Variants in EIF3G observed in about 807,000 individuals in gnomAD.
EIF3G encodes eukaryotic translation initiation factor 3 RNA-binding subunit.
EIF3G carries 10 observed loss-of-function variants against 41.7 expected under a neutral mutation model. That is an observed-to-expected ratio of 0.24 (90% CI 0.15 to 0.41). The LOEUF (loss-of-function observed/expected upper bound fraction) is 0.41. EIF3G is among the 10% of genes least tolerant of loss of function. The pLI, the probability that EIF3G is intolerant of heterozygous loss-of-function variation, is 1.00. For missense variants in EIF3G, 297 were observed against 444.0 expected (o/e 0.67, Z 2.98); for synonymous variants, 204 against 172.5 (o/e 1.18, Z -1.43).
chr19:10,117,803 C>G (rs1444885122), intron 5 of EIF3G, among the ~76,000 whole-genome samples: 1 of 152,202 alleles, frequency 6.6e-6, no homozygotes. Flanking sequence ...CTCCTGTAAT[C>G]CCAGCACTTT....
chr19:10,115,030 G>T lies in EIF3G; in HGVS notation c.*84C>A. The T allele has an allele frequency of 6.3e-7, 1 of 1,586,606 alleles. No individual in the cohort carries two copies. Among genetic ancestry groups the T allele is most frequent in the Non-Finnish European group, 8.6e-7 (1 of 1,160,816 alleles). ...AGAACCAAGTAGAGAGAGTGGAGCT[G>T]CTTTATTGCCCTTGGAGCCCGCGCT... On this transcript the variant is annotated 3_prime_UTR_variant, in exon 11 of 11. Transcript: ENST00000253108.
Position 10,116,815 on chromosome 19 carries a change from C to CCTT in EIF3G, c.577_579dup (p.Lys193dup). 6.3e-7 allele frequency: 1 copy of CCTT among 1,593,336 alleles called. No homozygotes were observed. Among genetic ancestry groups the CCTT allele is most frequent in the Non-Finnish European group, 8.6e-7 (1 of 1,167,100 alleles). On this transcript the variant is annotated inframe_insertion, in exon 7 of 11. Coordinates refer to ENST00000253108, the MANE Select transcript of EIF3G (RefSeq NM_003755.5). The surrounding 1 kb of genome is among the most constrained non-coding windows in gnomAD (Gnocchi z 4.1). ...ACCCCCACACCTCCCGGCAGCTTCT[C>CCTT]CTTCTCGCCAGTAGACAGGCCCAGC...
intron 2 of EIF3G, 95 bp downstream of exon 2, chr19:10,119,559 C>G (rs770190542): frequency 4.9e-6 from 7 of 1,427,048 alleles, no homozygotes; most frequent in Non-Finnish European, 6.7e-6. Context: ...CAGACCGTGA[C>G]GGGGTACACG....
At chr19:10,115,364 T>A in intron 10 of EIF3G, 115 bp downstream of exon 10, 1 of 1,316,550 alleles carries the variant, frequency 7.6e-7, no homozygotes, top group Non-Finnish European at 1.0e-6. Context: ...GACTGTCCCC[T>A]CAAAACCAGC....
rs145896417 is a variant in EIF3G, at chr19:10,116,963, G to A, written c.432C>T (p.Asp144=). 2 of 1,612,576 alleles carry A rather than the reference G, an allele frequency of 1.2e-6. No homozygotes were observed. Among genetic ancestry groups the A allele is most frequent in the Non-Finnish European group, 1.7e-6 (2 of 1,179,134 alleles). Residue 144 remains aspartate, a synonymous_variant, in exon 7 of 11, where the codon GAC becomes GAT. Transcript: ENST00000253108. The surrounding 1 kb of genome is among the most constrained non-coding windows in gnomAD (Gnocchi z 4.1). Reference sequence around the variant, plus strand: ...TCTGGCCCTTGAGTTTGTTCATAGGGTCCTCCTCCTCCTGGCAGTTCAGGT... The same window carrying A: ...TCTGGCCCTTGAGTTTGTTCATAGGATCCTCCTCCTCCTGGCAGTTCAGGT... ...KEDLNCQEEE[D]PMNKLKGQKI... is the part of the protein sequence containing the mutation.
chr19:10,116,379 G>C lies in EIF3G; in HGVS notation c.596-305C>G. ...AACGGCAGACATGGGACACACAACA[G>C]GAACAGCGCCCAGGTCCCCCTCGCG... On this transcript the variant is annotated intron_variant, in intron 7 of 10. Coordinates refer to ENST00000253108, the MANE Select transcript of EIF3G (RefSeq NM_003755.5). The surrounding 1 kb of genome is among the most constrained non-coding windows in gnomAD (Gnocchi z 4.1). The C allele has an allele frequency of 1.9e-6, 1 of 527,848 alleles. No homozygotes were observed. The highest frequency in any genetic ancestry group is 3.4e-6 in the Non-Finnish European group (1 of 293,996). 32.7% of individuals were successfully genotyped at this position (527,848 alleles called of 1,614,324 possible). A position where few individuals can be genotyped will look rare whatever the true frequency, so the allele number is the denominator to read the frequency against.
chr19:10,118,581 A>AAT, intron 5 of EIF3G, 87 bp downstream of exon 5: 4 of 1,356,554 alleles, frequency 2.9e-6, no homozygotes, highest in Non-Finnish European at 4.1e-6. Context: ...AAAAAAAAAA[A>AAT]AGAGTTAAGC....
At chr19:10,115,272 C>A in intron 10 of EIF3G, 143 bp from the exon 11 acceptor site, 1 of 1,209,450 alleles carries the variant, frequency 8.3e-7, no homozygotes, top group South Asian at 1.5e-5. Context: ...GGCCAGTCTC[C>A]AGGCCTGGTC....
At chr19:10,119,464 G>A in intron 2 of EIF3G, 190 bp downstream of exon 2, 1 of 779,806 alleles carries the variant, frequency 1.3e-6, no homozygotes, top group Non-Finnish European at 2.2e-6. Flanking sequence ...CTGGGAGGCA[G>A]TGGCATGGGA....
In EIF3G at chr19:10,115,836, G is replaced by A; in HGVS notation, c.704-16C>T. The A allele has an allele frequency of 1.2e-6, 2 of 1,610,266 alleles. No individual in the cohort carries two copies. Among genetic ancestry groups the A allele is most frequent in the Non-Finnish European group, 1.7e-6 (2 of 1,179,356 alleles). On this transcript the variant is annotated splice_polypyrimidine_tract_variant and intron_variant, in intron 8 of 10. Transcript: ENST00000253108. Reference sequence around the variant, plus strand: ...TTGTCGTCGGCTGTGTGGGAGAGGGGAGGTGGCTGTGAGGGGGAGGACACT... The same window carrying A: ...TTGTCGTCGGCTGTGTGGGAGAGGGAAGGTGGCTGTGAGGGGGAGGACACT...
chr19:10,118,827 C>G, intron 4 of EIF3G, 41 bp downstream of exon 4: 9 of 1,608,970 alleles, frequency 5.6e-6, no homozygotes, highest in Non-Finnish European at 7.6e-6. Context: ...TATGGGCCCC[C>G]AAGCACAAGG....
chr19:10,116,433 C>T lies in EIF3G; in HGVS notation c.596-359G>A, dbSNP rs2089251509. ...CAGGCGACAAGTGCACGTCTGCACTCTCACACTCGCCACCAGCAAATCCCA... is the reference window on the plus strand; with the variant it reads ...CAGGCGACAAGTGCACGTCTGCACTTTCACACTCGCCACCAGCAAATCCCA... On this transcript the variant is annotated intron_variant, in intron 7 of 10. Coordinates refer to ENST00000253108, the MANE Select transcript of EIF3G (RefSeq NM_003755.5). The surrounding 1 kb of genome is among the most constrained non-coding windows in gnomAD (Gnocchi z 4.1). The T allele has an allele frequency of 2.1e-6, 1 of 485,586 alleles. No individual in the cohort carries two copies. The highest frequency in any genetic ancestry group is 2.5e-5 in the South Asian group (1 of 39,288). The allele number at this position is 485,586 out of a possible 1,614,324, so 30.1% of individuals were successfully genotyped here. A position where few individuals can be genotyped will look rare whatever the true frequency, so the allele number is the denominator to read the frequency against.
At chr19:10,115,842 G>C in intron 8 of EIF3G, 22 bp from the exon 9 acceptor site, 1 of 1,609,042 alleles carries the variant, frequency 6.2e-7, no homozygotes, top group Non-Finnish European at 8.5e-7. Context: ...AGGGGAGGTG[G>C]CTGTGAGGGG....
At chr19:10,119,022 T>TG (rs745952257) in intron 3 of EIF3G, 66 bp from the exon 4 acceptor site, 1 of 1,612,472 alleles carries the variant, frequency 6.2e-7, no homozygotes, top group Non-Finnish European at 8.5e-7. Flanking sequence ...GCGGCAGGGC[T>TG]GGAGGGAGAG....
rs1330257100 is a variant in EIF3G at position 10,119,873 on chromosome 19, C to T, written c.-14G>A. 1 of 1,613,912 alleles carries T rather than the reference C, an allele frequency of 6.2e-7. No homozygotes were observed. The highest frequency in any genetic ancestry group is 8.5e-7 in the Non-Finnish European group (1 of 1,179,802). On this transcript the variant is annotated 5_prime_UTR_variant, in exon 1 of 11. Coordinates refer to ENST00000253108, the MANE Select transcript of EIF3G (RefSeq NM_003755.5). Reference sequence around the variant, plus strand: ...TCCAGTAGGCATCGCAAAAAGTATTCTCCACGCAGCCCAAGCCCGGCCAGA... The same window carrying T: ...TCCAGTAGGCATCGCAAAAAGTATTTTCCACGCAGCCCAAGCCCGGCCAGA...
In EIF3G at chr19:10,116,413, G is replaced by A. The variant is rs1462669855; in HGVS notation, c.596-339C>T. 4 of 499,414 alleles carry A rather than the reference G, an allele frequency of 8.0e-6. No homozygotes were observed. Among genetic ancestry groups the A allele is most frequent in the South Asian group, 2.4e-5 (1 of 41,978 alleles). 30.9% of individuals were successfully genotyped at this position (499,414 alleles called of 1,614,324 possible). A position where few individuals can be genotyped will look rare whatever the true frequency, so the allele number is the denominator to read the frequency against. The stretch of plus-strand genomic sequence containing the variant: ...CCCAGGTCCCCCTCGCGTGGCAGGC[G>A]ACAAGTGCACGTCTGCACTCTCACA... On this transcript the variant is annotated intron_variant, in intron 7 of 10. Coordinates refer to ENST00000253108, the MANE Select transcript of EIF3G (RefSeq NM_003755.5). The surrounding 1 kb of genome is among the most constrained non-coding windows in gnomAD (Gnocchi z 4.1).
intron 10 of EIF3G, 80 bp downstream of exon 10, chr19:10,115,399 G>A (rs748518796): frequency 1.4e-6 from 2 of 1,461,654 alleles, no homozygotes; most frequent in African/African-American, 1.4e-5. Context: ...ATTGGCTCAG[G>A]GCTATTGGTT....
rs752442066 is a variant in EIF3G at position 10,116,090 on chromosome 19, C to T, written c.596-16G>A. 7.4e-6 allele frequency: 12 copies of T among 1,611,490 alleles called. No individual in the cohort carries two copies. The South Asian group carries it at 1.2e-4, about 16-fold the overall frequency. On this transcript the variant is annotated splice_polypyrimidine_tract_variant and intron_variant, in intron 7 of 10. Transcript: ENST00000253108. This position sits in a 1 kb window ranked among gnomAD's most constrained non-coding sequence, Gnocchi z 4.1. ...GGCTCTAGCTCTGGGGACCAAAAGA[C>T]AGTCAAGTTCAACCTCACTGTGGCG...
In EIF3G at chr19:10,118,735, T is replaced by C; in HGVS notation, c.241-8A>G. On this transcript the variant is annotated splice_region_variant and splice_polypyrimidine_tract_variant and intron_variant, in intron 4 of 10. Coordinates refer to ENST00000253108, the MANE Select transcript of EIF3G (RefSeq NM_003755.5). Reference sequence around the variant, plus strand: ...CCTGAAGGTGCGGACAATCTGAGGATGGGAGGGGAGAAGGGTCAGGCTCCT... The same window carrying C: ...CCTGAAGGTGCGGACAATCTGAGGACGGGAGGGGAGAAGGGTCAGGCTCCT... 6.2e-7 allele frequency: 1 copy of C among 1,613,770 alleles called. No individual in the cohort carries two copies. Among genetic ancestry groups the C allele is most frequent in the Non-Finnish European group, 8.5e-7 (1 of 1,179,916 alleles).
Sources: allele counts gnomAD v4.1 joint callset (sites outside exome capture counted in the v4.1 genomes callset), GRCh38; gene constraint gnomAD v4.1.1; non-coding constraint Gnocchi (gnomAD v3.1); transcripts MANE v1.5; gene names NCBI Gene and HGNC (gene_info 2026-07-23, HGNC 2026-07-21).